The following UBE2L6 variants were observed in gnomAD, a reference collection of about 807,000 sequenced individuals.
UBE2L6 encodes ubiquitin/ISG15-conjugating enzyme E2 L6.
In UBE2L6, 11 loss-of-function variants were observed where a neutral mutation model predicts 13.6. That is an observed-to-expected ratio of 0.81 (90% CI 0.51 to 1.34). The LOEUF is 1.34. UBE2L6 is among the 40% of genes most tolerant of loss of function. The probability of loss-of-function intolerance (pLI) is 0.00; values close to 1 mark genes in which losing one functional copy is unlikely to be tolerated. For synonymous variants in UBE2L6, 74 were observed against 83.2 expected (o/e 0.89, Z 0.60); for missense variants, 197 against 199.5 (o/e 0.99, Z 0.07).
intron 2 of UBE2L6, among the ~76,000 whole-genome samples, chr11:57,556,265 A>T (rs1301557574): frequency 6.6e-6 from 1 of 152,074 alleles, no homozygotes; most frequent in Non-Finnish European, 1.5e-5. Flanking sequence ...CCTGGGTGTG[A>T]TTCGGCTCTG....
chr11:57,558,369 G>A (rs1419979628), intron 2 of UBE2L6, among the ~76,000 whole-genome samples: 7 of 152,158 alleles, frequency 4.6e-5, no homozygotes, highest in African/African-American at 1.2e-4. Context: ...GTAAGCCACC[G>A]TGCCCGGCCT....
At position 57,554,766 on chromosome 11, in the gene UBE2L6, T is replaced by C. The variant is rs1474902918; in HGVS notation, c.124-143A>G. 6.8e-6 allele frequency: 6 copies of C among 884,762 alleles called. No individual in the cohort carries two copies. The East Asian group carries it at 1.1e-4, about 16-fold the overall frequency. The allele number at this position is 884,762 out of a possible 1,614,324, so 54.8% of individuals were successfully genotyped here. On this transcript the variant is annotated intron_variant, in intron 2 of 3. Coordinates refer to ENST00000287156, the MANE Select transcript of UBE2L6 (RefSeq NM_004223.5). The stretch of plus-strand genomic sequence containing the variant: ...CACAGCACCTGCATTCATTTGACAA[T>C]TGAGTCATGGATTAGTGAAAATGTG...
In UBE2L6 at chr11:57,554,490, C is replaced by G. The variant is rs1360486107; in HGVS notation, c.257G>C (p.Cys86Ser). ...HPNVDENGQI[C>S]LPIISSENWK... ...GTTCTCACTGCTGATGATGGGCAGG[C>G]AAATCTGTCCGTTCTCGTCCACGTT... The change falls in exon 3 of 4, where the codon TGC becomes TCC. Residue 86 changes from cysteine to serine, a missense_variant. Transcript: ENST00000287156. The G allele has an allele frequency of 1.9e-6, 3 of 1,614,036 alleles. No homozygotes were observed. In the African/African-American group the frequency reaches 4.0e-5, roughly 22 times the overall value.
intron 2 of UBE2L6, among the ~76,000 whole-genome samples, chr11:57,557,848 T>C (rs573391968): frequency 1.3e-5 from 2 of 152,310 alleles, no homozygotes; most frequent in Non-Finnish European, 2.9e-5. Flanking sequence ...CTGGGCTTCG[T>C]AGGACTTAAC....
rs538346823 is a variant in UBE2L6, at chr11:57,560,420, G to C, written c.40C>G (p.Leu14Val). 1 of 1,613,192 alleles carries C rather than the reference G, an allele frequency of 6.2e-7. No homozygotes were observed. The highest frequency in any genetic ancestry group is 1.3e-5 in the African/African-American group (1 of 74,990). The change falls in exon 2 of 4, where the codon CTT becomes GTT. Residue 14 changes from leucine (L) to valine (V), a missense_variant. Physicochemically the swap from Leu to Val is conservative, Grantham distance 32. Coordinates refer to ENST00000287156, the MANE Select transcript of UBE2L6 (RefSeq NM_004223.5). ...AGGTATGGGGGAGGCTTCTTCTGAA[G>C]ATCCTCCAGCTCCTGCAGGGGACAC... ...SMRVVKELEDLQKKPPPYLRN... is the reference protein window; with the variant it reads ...SMRVVKELEDVQKKPPPYLRN...
At chr11:57,563,735 CA>C (rs35011093) in intron 1 of UBE2L6, among the ~76,000 whole-genome samples, 89,432 of 133,144 alleles carry the variant, frequency 0.67, 28,774 homozygotes, top group East Asian at 0.81. Flanking sequence ...ACTAAAAATA[CA>C]AAAAAAAAAA....
In UBE2L6 at chr11:57,564,735, G is replaced by A. The variant is rs532036780; in HGVS notation, c.27+2850C>T. Among the ~76,000 whole-genome samples, 48 of 152,050 alleles carry A rather than the reference G, an allele frequency of 3.2e-4. 2 individuals carry two copies. Among genetic ancestry groups the A allele is most frequent in the African/African-American group, 1.1e-3 (44 of 41,472 alleles). On this transcript the variant is annotated intron_variant, in intron 1 of 3. Transcript: ENST00000287156. ...AGAGAATCACTTGAACCCACGAGGC[G>A]GAGGTTGCAGTGAGCTGAGATCGTG...
chr11:57,554,032 G>A, intron 3 of UBE2L6, among the ~76,000 whole-genome samples: 1 of 152,160 alleles, frequency 6.6e-6, no homozygotes, highest in African/African-American at 2.4e-5. Context: ...TTTTAGCACA[G>A]TGCCGAAAGT....
chr11:57,565,272 G>A (rs1945079689), intron 1 of UBE2L6, among the ~76,000 whole-genome samples: 1 of 148,444 alleles, frequency 6.7e-6, no homozygotes, highest in African/African-American at 2.5e-5. Flanking sequence ...GAAAGGGAGA[G>A]AGAAAGAAAG....
chr11:57,562,145 G>A (rs1048107334), intron 1 of UBE2L6, among the ~76,000 whole-genome samples: 5 of 152,254 alleles, frequency 3.3e-5, no homozygotes, highest in Non-Finnish European at 7.3e-5. Context: ...TGACTGAAGG[G>A]CCTTTGGGCC....
chr11:57,553,101 G>C (rs1232681054), intron 3 of UBE2L6, among the ~76,000 whole-genome samples: 1 of 152,244 alleles, frequency 6.6e-6, no homozygotes, highest in Admixed American at 6.5e-5. Flanking sequence ...TCCTGAGCTG[G>C]TCCAGGTGGA....
intron 1 of UBE2L6, among the ~76,000 whole-genome samples, chr11:57,561,280 G>T (rs1334075929): frequency 6.6e-6 from 1 of 152,152 alleles, no homozygotes; most frequent in Non-Finnish European, 1.5e-5. Context: ...ACCAAGTGGG[G>T]AAACAAGGGG....
At chr11:57,553,464 C>T (rs1274613701) in intron 3 of UBE2L6, among the ~76,000 whole-genome samples, 1 of 150,292 alleles carries the variant, frequency 6.7e-6, no homozygotes, top group Non-Finnish European at 1.5e-5. Context: ...ACTGAACTAA[C>T]TGCCTGGGCA....
At chr11:57,567,259 T>C in intron 1 of UBE2L6, 2 of 495,340 alleles carry the variant, frequency 4.0e-6, no homozygotes, top group Non-Finnish European at 3.8e-6. Context: ...TGCCAAGGAC[T>C]TTTCCTGCAC....
In UBE2L6 at chr11:57,552,191, A is replaced by C; in HGVS notation, c.*167T>G. 1 of 963,266 alleles carries C rather than the reference A, an allele frequency of 1.0e-6. No homozygotes were observed. The allele number at this position is 963,266 out of a possible 1,614,324, so 59.7% of individuals were successfully genotyped here. On this transcript the variant is annotated 3_prime_UTR_variant, in exon 4 of 4. Transcript: ENST00000287156. Reference sequence around the variant, plus strand: ...GAGTGAGTCCATACACAACACACACACTCATAGCTCCCTTCCCTCCACCAC... The same window carrying C: ...GAGTGAGTCCATACACAACACACACCCTCATAGCTCCCTTCCCTCCACCAC...
intron 2 of UBE2L6, among the ~76,000 whole-genome samples, chr11:57,557,083 G>T (rs144458795): frequency 1.3e-5 from 2 of 151,348 alleles, no homozygotes; most frequent in Non-Finnish European, 3.0e-5. Flanking sequence ...AAAAAAAAAG[G>T]AAAGAAAAGA....
Position 57,557,395 on chromosome 11 carries a change from C to CTT in UBE2L6, c.124-2774_124-2773dup, listed in dbSNP as rs35413834. On this transcript the variant is annotated intron_variant, in intron 2 of 3. Coordinates refer to ENST00000287156, the MANE Select transcript of UBE2L6 (RefSeq NM_004223.5). Reference sequence around the variant, plus strand: ...AGAAGGAGATGCTGGTGCCATGCTTCTTTTTTTTTTTTTTTTTGAGATGGA... The same window carrying CTT: ...AGAAGGAGATGCTGGTGCCATGCTTCTTTTTTTTTTTTTTTTTTTGAGATGGA... 2.1e-3 allele frequency among the ~76,000 whole-genome samples: 271 copies of CTT among 131,704 alleles called. 2 individuals carry two copies. Among genetic ancestry groups the CTT allele is most frequent in the East Asian group, 8.8e-3 (39 of 4,456 alleles). 86.4% of individuals were successfully genotyped at this position (131,704 alleles called of 152,430 possible).
chr11:57,554,735 G>C (rs576687995), intron 2 of UBE2L6, 112 bp from the exon 3 acceptor site: 3 of 1,116,144 alleles, frequency 2.7e-6, no homozygotes, highest in Admixed American at 4.7e-5. Context: ...CATGAGCCAG[G>C]ACACACACAG....
At chr11:57,556,144 G>T (rs943382863) in intron 2 of UBE2L6, among the ~76,000 whole-genome samples, 1 of 152,010 alleles carries the variant, frequency 6.6e-6, no homozygotes. Flanking sequence ...CACAGACTCC[G>T]GAGCCACCCT....
Sources: allele counts gnomAD v4.1 joint callset (sites outside exome capture counted in the v4.1 genomes callset), GRCh38; gene constraint gnomAD v4.1.1; transcripts MANE v1.5; gene names NCBI Gene and HGNC (gene_info 2026-07-23, HGNC 2026-07-21).